The following SPAG6 variants were observed in gnomAD, a reference collection of about 807,000 sequenced individuals.
The protein encoded by SPAG6 is sperm-associated antigen 6.
A neutral mutation model predicts 58.5 loss-of-function variants in SPAG6; 49 were observed. The ratio of observed to expected loss-of-function variants is 0.84; its 90% CI spans 0.67 to 1.06. SPAG6 has a LOEUF of 1.06. SPAG6 is among the 50% of genes least tolerant of loss of function. SPAG6 has a pLI of 0.00. For synonymous variants in SPAG6, 233 were observed against 225.6 expected (o/e 1.03, Z -0.29); for missense variants, 560 against 611.3 (o/e 0.92, Z 0.89).
intron 2 of SPAG6, among the ~76,000 whole-genome samples, chr10:22,356,111 G>T (rs1836858944): frequency 6.6e-6 from 1 of 152,216 alleles, no homozygotes; most frequent in South Asian, 2.1e-4. Context: ...TGTTGGGCTA[G>T]CTGTATATTG....
intron 5 of SPAG6, 30 bp from the exon 6 acceptor site, chr10:22,387,793 T>A: frequency 6.3e-7 from 1 of 1,588,858 alleles, no homozygotes; most frequent in Non-Finnish European, 8.5e-7. Flanking sequence ...TATAGTGTTT[T>A]GTTGTTGTTG....
At chr10:22,404,951 G>T (rs1377060326) in intron 9 of SPAG6, among the ~76,000 whole-genome samples, 1 of 151,944 alleles carries the variant, frequency 6.6e-6, no homozygotes, top group African/African-American at 2.4e-5. Flanking sequence ...TGTTGTTGGT[G>T]TATAAGAATG....
chr10:22,404,966 T>G (rs2130626553), intron 9 of SPAG6, among the ~76,000 whole-genome samples: 1 of 151,896 alleles, frequency 6.6e-6, no homozygotes, highest in African/African-American at 2.4e-5. Context: ...AGAATGCTTG[T>G]GATTTTTGTA....
intron 4 of SPAG6, among the ~76,000 whole-genome samples, chr10:22,376,013 A>C (rs1040150308): frequency 1.3e-5 from 2 of 152,172 alleles, no homozygotes; most frequent in African/African-American, 4.8e-5. Context: ...TATTCACATG[A>C]GACTTTTGCA....
intron 2 of SPAG6, among the ~76,000 whole-genome samples, chr10:22,355,899 T>A (rs953132606): frequency 6.6e-6 from 1 of 152,160 alleles, no homozygotes; most frequent in African/African-American, 2.4e-5. Context: ...AATGAGAACA[T>A]GTTATACAAT....
chr10:22,363,838 A>G (rs1837114908), intron 2 of SPAG6, among the ~76,000 whole-genome samples: 1 of 152,224 alleles, frequency 6.6e-6, no homozygotes, highest in African/African-American at 2.4e-5. Context: ...AGATTTAATG[A>G]TATCTAATTG....
chr10:22,382,024 G>C (rs1055147814), intron 4 of SPAG6, among the ~76,000 whole-genome samples: 4 of 152,134 alleles, frequency 2.6e-5, no homozygotes, highest in Non-Finnish European at 5.9e-5. Context: ...CAGATTCCAA[G>C]AACAGCACAG....
chr10:22,416,538 G>C (rs1164629263), intron 10 of SPAG6, 81 bp from the exon 11 acceptor site: 1 of 822,566 alleles, frequency 1.2e-6, no homozygotes, highest in East Asian at 2.5e-5. Flanking sequence ...GATTATTTCA[G>C]ATAAATCCCC....
At chr10:22,374,602 TAAAAAAAAAAAA>T (rs764220934) in intron 4 of SPAG6, among the ~76,000 whole-genome samples, 5 of 97,154 alleles carry the variant, frequency 5.1e-5, no homozygotes, top group African/African-American at 1.6e-4. Flanking sequence ...ACCCTGTATG[TAAAAAAAAAAAA>T]AAAAAAAAAA....
At chr10:22,396,117 AG>A (rs1029523551) in intron 8 of SPAG6, among the ~76,000 whole-genome samples, 7 of 152,238 alleles carry the variant, frequency 4.6e-5, no homozygotes, top group African/African-American at 1.7e-4. Context: ...GAGGGAGCGA[AG>A]GGGGAGGTGC....
intron 8 of SPAG6, among the ~76,000 whole-genome samples, chr10:22,400,436 C>G (rs1046806751): frequency 2.0e-5 from 3 of 152,046 alleles, no homozygotes; most frequent in Non-Finnish European, 4.4e-5. Context: ...TGTGCTGCAG[C>G]CCCATCAGGG....
chr10:22,345,892 C>G lies in SPAG6; in HGVS notation c.121+74C>G, dbSNP rs963414635. ...GACGCCTCCGCCCCGCTGCCCTGCC[C>G]GTGGAGCTCTTGGGGAGCCGCAGTG... On this transcript the variant is annotated intron_variant, in intron 2 of 10. Transcript: ENST00000376624. The surrounding 1 kb of genome is among the most constrained non-coding windows in gnomAD (Gnocchi z 6.3). The G allele has an allele frequency of 4.4e-6, 7 of 1,579,022 alleles. No individual in the cohort carries two copies. Among genetic ancestry groups the G allele is most frequent in the South Asian group, 3.5e-5 (3 of 86,922 alleles).
In SPAG6 at chr10:22,345,958, G is replaced by A. The variant is rs746514679; in HGVS notation, c.121+140G>A. The A allele has an allele frequency of 1.1e-5, 17 of 1,551,858 alleles. No individual in the cohort carries two copies. Among genetic ancestry groups the A allele is most frequent in the Non-Finnish European group, 1.4e-5 (16 of 1,147,974 alleles). On this transcript the variant is annotated intron_variant, in intron 2 of 10. Coordinates refer to ENST00000376624, the MANE Select transcript of SPAG6 (RefSeq NM_012443.4). This position sits in a 1 kb window ranked among gnomAD's most constrained non-coding sequence, Gnocchi z 6.3. ...GCAAAAGCATCCATTCTTTTCAGCG[G>A]GTCTTTGGGGGTCAGGCCGAGAGGG...
chr10:22,374,420 A>G (rs984974280), intron 4 of SPAG6, among the ~76,000 whole-genome samples: 1 of 152,108 alleles, frequency 6.6e-6, no homozygotes, highest in African/African-American at 2.4e-5. Context: ...AATGTACAAT[A>G]CTGTATTAAA....
intron 4 of SPAG6, among the ~76,000 whole-genome samples, chr10:22,379,062 A>C (rs759578592): frequency 3.9e-5 from 6 of 152,238 alleles, no homozygotes; most frequent in Non-Finnish European, 7.3e-5. Context: ...GGCAAGAAAG[A>C]TAGAAATGAT....
chr10:22,347,726 G>A lies in SPAG6; in HGVS notation c.121+1908G>A, dbSNP rs993242449. Among the ~76,000 whole-genome samples the A allele has an allele frequency of 2.3e-4, 35 of 152,250 alleles. 2 individuals carry two copies. The highest frequency in any genetic ancestry group is 7.0e-4 in the African/African-American group (29 of 41,544). ...CCAAATTGACTGTATAAGTGGCTTAGATATAAGATTCTACACTTATGGTCT... is the reference window on the plus strand; with the variant it reads ...CCAAATTGACTGTATAAGTGGCTTAAATATAAGATTCTACACTTATGGTCT... On this transcript the variant is annotated intron_variant, in intron 2 of 10. Transcript: ENST00000376624.
chr10:22,357,250 T>C (rs948023523), intron 2 of SPAG6, among the ~76,000 whole-genome samples: 5 of 152,148 alleles, frequency 3.3e-5, no homozygotes, highest in African/African-American at 1.2e-4. Flanking sequence ...TTAGATGCTC[T>C]GTTGTATGTT....
At chr10:22,392,297 G>A (rs1032698096) in intron 8 of SPAG6, among the ~76,000 whole-genome samples, 3 of 152,084 alleles carry the variant, frequency 2.0e-5, no homozygotes, top group Admixed American at 6.5e-5. Context: ...CCTTTCAAAT[G>A]TATCATATAA....
At chr10:22,395,581 C>CT (rs1834275049) in intron 8 of SPAG6, among the ~76,000 whole-genome samples, 2 of 152,056 alleles carry the variant, frequency 1.3e-5, no homozygotes, top group Admixed American at 6.6e-5. Context: ...GGTTATTTAT[C>CT]TTTTTATTAT....
Sources: allele counts gnomAD v4.1 joint callset (sites outside exome capture counted in the v4.1 genomes callset), GRCh38; gene constraint gnomAD v4.1.1; non-coding constraint Gnocchi (gnomAD v3.1); transcripts MANE v1.5; gene names NCBI Gene and HGNC (gene_info 2026-07-23, HGNC 2026-07-21).